The following FIRRM variants were observed in gnomAD, a reference collection of about 807,000 sequenced individuals.
FIRRM encodes the protein FIGNL1 interacting regulator of recombination and mitosis.
At chr1:169,813,268 A>G in the FIRRM span, among the ~76,000 whole-genome samples, 4,112 of 152,310 alleles carry the variant, frequency 0.027, 189 homozygotes, top group African/African-American at 0.094. Flanking sequence ...CTCATTATAG[A>G]TGAGAAAACT....
the FIRRM span, among the ~76,000 whole-genome samples, chr1:169,786,017 T>C: frequency 2.0e-5 from 3 of 152,316 alleles, no homozygotes; most frequent in African/African-American, 4.8e-5. Context: ...GAATCTCTAA[T>C]GATTTCAACT....
chr1:169,843,109 G>C, the FIRRM span, among the ~76,000 whole-genome samples: 2 of 152,180 alleles, frequency 1.3e-5, no homozygotes, highest in African/African-American at 2.4e-5. Context: ...GGCAGCTAGA[G>C]GAAGCTAAAG....
the FIRRM span, among the ~76,000 whole-genome samples, chr1:169,828,337 G>T: frequency 1.3e-5 from 2 of 152,124 alleles, no homozygotes; most frequent in Non-Finnish European, 2.9e-5. Flanking sequence ...CTGGCTCTGA[G>T]CTTCCTATTC....
the FIRRM span, among the ~76,000 whole-genome samples, chr1:169,848,609 T>G: frequency 6.6e-6 from 1 of 152,046 alleles, no homozygotes; most frequent in Non-Finnish European, 1.5e-5. Context: ...CTCCATCATG[T>G]TAAGGTTTTA....
the FIRRM span, chr1:169,829,192 ATAT>A: frequency 1.0e-5 from 13 of 1,300,436 alleles, no homozygotes; most frequent in East Asian, 1.0e-4. Context: ...TCCATGTTAC[ATAT>A]TATTATTATA....
At chr1:169,851,077 A>AGCC in the FIRRM span, 1 of 36,484 alleles carries the variant, frequency 2.7e-5, no homozygotes, top group Non-Finnish European at 4.5e-5. Flanking sequence ...TTTTTTTGGC[A>AGCC]TGGCTTTTTT....
At chr1:169,850,084 A>G in the FIRRM span, 1 of 584,050 alleles carries the variant, frequency 1.7e-6, no homozygotes, top group African/African-American at 1.9e-5. Flanking sequence ...ACTTGTACAG[A>G]AGTTAATTTT....
the FIRRM span, chr1:169,850,216 C>A: frequency 1.6e-6 from 2 of 1,253,144 alleles, no homozygotes; most frequent in Non-Finnish European, 1.2e-6. Flanking sequence ...TTTGTCTTTG[C>A]AAGTTGTTGA....
chr1:169,790,054 A>G, the FIRRM span, among the ~76,000 whole-genome samples: 1 of 152,172 alleles, frequency 6.6e-6, no homozygotes, highest in African/African-American at 2.4e-5. Flanking sequence ...CTGTTACATG[A>G]GAAAGCTGCG....
At chr1:169,813,222 GAC>G in the FIRRM span, among the ~76,000 whole-genome samples, 4 of 152,204 alleles carry the variant, frequency 2.6e-5, no homozygotes, top group South Asian at 8.3e-4. Context: ...TTAAACGTCA[GAC>G]ACTGTTTAAA....
the FIRRM span, among the ~76,000 whole-genome samples, chr1:169,789,209 G>A: frequency 6.6e-6 from 1 of 152,214 alleles, no homozygotes; most frequent in Non-Finnish European, 1.5e-5. Flanking sequence ...CAGCTGAAGT[G>A]GAGGCAAAGA....
the FIRRM span, among the ~76,000 whole-genome samples, chr1:169,825,565 C>T: frequency 6.6e-6 from 1 of 152,180 alleles, no homozygotes; most frequent in Non-Finnish European, 1.5e-5. Context: ...TAAATTCTTG[C>T]AATGATGCTC....
the FIRRM span, among the ~76,000 whole-genome samples, chr1:169,834,170 C>T: frequency 1.3e-5 from 2 of 152,176 alleles, no homozygotes; most frequent in Non-Finnish European, 2.9e-5. Flanking sequence ...ATCTCTTACT[C>T]TCAGTTTTCT....
At chr1:169,794,380 A>C in the FIRRM span, among the ~76,000 whole-genome samples, 1 of 152,088 alleles carries the variant, frequency 6.6e-6, no homozygotes, top group Admixed American at 6.5e-5. Context: ...CCAAGACTTC[A>C]CTCCAAACAT....
chr1:169,800,667 A>G, the FIRRM span, among the ~76,000 whole-genome samples: 2 of 148,490 alleles, frequency 1.3e-5, no homozygotes, highest in Admixed American at 6.7e-5. Context: ...ACACACACCT[A>G]TTTAACTGGT....
chr1:169,813,218 G>A, the FIRRM span, among the ~76,000 whole-genome samples: 2 of 152,166 alleles, frequency 1.3e-5, no homozygotes, highest in East Asian at 1.9e-4. Flanking sequence ...TTGCTTAAAC[G>A]TCAGACACTG....
chr1:169,837,060 A>G, the FIRRM span: 1 of 1,608,680 alleles, frequency 6.2e-7, no homozygotes, highest in Non-Finnish European at 8.5e-7. Context: ...GGCACTGCAG[A>G]ATGCAGGAAA....
chr1:169,827,605 TC>T, the FIRRM span: 4 of 1,285,268 alleles, frequency 3.1e-6, no homozygotes, highest in Non-Finnish European at 4.4e-6. Context: ...ACCACTGCAC[TC>T]CAGGCTGGGT....
At chr1:169,823,899 T>C in the FIRRM span, among the ~76,000 whole-genome samples, 5 of 152,144 alleles carry the variant, frequency 3.3e-5, no homozygotes, top group African/African-American at 1.2e-4. Flanking sequence ...TCTGAAACCA[T>C]CTCAGAAAAG....
Sources: allele counts gnomAD v4.1 joint callset (sites outside exome capture counted in the v4.1 genomes callset), GRCh38; gene constraint gnomAD v4.1.1; transcripts MANE v1.5; gene names NCBI Gene and HGNC (gene_info 2026-07-23, HGNC 2026-07-21).